RLN2: variants seen among roughly 807,000 people sequenced by gnomAD.
The protein encoded by RLN2 is relaxin 2.
RLN2 carries 10 observed loss-of-function variants against 7.3 expected under a neutral mutation model. The ratio of observed to expected loss-of-function variants is 1.36; its 90% CI spans 0.84 to 2.31. The LOEUF (loss-of-function observed/expected upper bound fraction) is 2.31. RLN2 is among the 30% of genes most tolerant of loss of function. The probability of loss-of-function intolerance (pLI) is 0.00; values close to 1 mark genes in which losing one functional copy is unlikely to be tolerated. For synonymous variants in RLN2, 103 were observed against 82.3 expected (o/e 1.25, Z -1.36); for missense variants, 298 against 217.6 (o/e 1.37, Z -2.32).
intron 1 of RLN2, 107 bp from the exon 2 acceptor site, chr9:5,300,551 A>C: frequency 2.8e-6 from 2 of 708,822 alleles, no homozygotes; most frequent in South Asian, 3.9e-5. Flanking sequence ...CCTCAGTATA[A>C]ATTAAACATT....
the RLN2 span, among the ~76,000 whole-genome samples, chr9:5,325,311 A>AG: frequency 6.6e-6 from 1 of 152,016 alleles, no homozygotes; most frequent in Non-Finnish European, 1.5e-5. Flanking sequence ...GAAATAAGAA[A>AG]GGCAACAAGA....
chr9:5,310,387 C>T, the RLN2 span, among the ~76,000 whole-genome samples: 1 of 151,882 alleles, frequency 6.6e-6, no homozygotes, highest in Non-Finnish European at 1.5e-5. Flanking sequence ...GTACCTCTCC[C>T]CTACACCCCT....
At chr9:5,333,122 G>C in the RLN2 span, among the ~76,000 whole-genome samples, 1 of 151,950 alleles carries the variant, frequency 6.6e-6, no homozygotes, top group East Asian at 1.9e-4. Flanking sequence ...GTATGAAGGG[G>C]AGGACTACAA....
upstream of RLN2, among the ~76,000 whole-genome samples, chr9:5,307,046 G>A (rs1816263737): frequency 6.6e-6 from 1 of 151,942 alleles, no homozygotes; most frequent in South Asian, 2.1e-4. Context: ...AGCCCTCTTG[G>A]GACCATGAGG....
the RLN2 span, among the ~76,000 whole-genome samples, chr9:5,317,007 A>G: frequency 1.3e-5 from 2 of 152,058 alleles, no homozygotes; most frequent in Non-Finnish European, 2.9e-5. Context: ...TATCAACACA[A>G]AAGAGTCTTA....
chr9:5,305,940 A>G (rs1184404717), upstream of RLN2, among the ~76,000 whole-genome samples: 3 of 151,904 alleles, frequency 2.0e-5, no homozygotes, highest in African/African-American at 4.8e-5. Flanking sequence ...CTTTTAAATG[A>G]GTTTTCATTA....
chr9:5,328,165 A>G, the RLN2 span, among the ~76,000 whole-genome samples: 1 of 152,066 alleles, frequency 6.6e-6, no homozygotes, highest in Non-Finnish European at 1.5e-5. Flanking sequence ...AAACCTTGAA[A>G]AAAAGTTAGA....
chr9:5,319,897 A>C, the RLN2 span, among the ~76,000 whole-genome samples: 1 of 152,012 alleles, frequency 6.6e-6, no homozygotes, highest in Non-Finnish European at 1.5e-5. Context: ...CAGGTGAAAG[A>C]AGCACCTTTA....
At chr9:5,335,608 TA>T in the RLN2 span, 1,779 of 1,491,432 alleles carry the variant, frequency 1.2e-3, 24 homozygotes, top group East Asian at 0.02. Context: ...CTGTTAAGTT[TA>T]AAAAAAAAGT....
In RLN2 at chr9:5,304,425, C is replaced by T; in HGVS notation, c.156G>A (p.Trp52Ter). The change falls in exon 1 of 2, where the codon TGG (tryptophan) becomes TGA (stop). Residue 52 changes from tryptophan (W) to a stop codon, truncating the protein, a stop_gained. Coordinates refer to ENST00000381627, the MANE Select transcript of RLN2 (RefSeq NM_134441.3). LOFTEE classifies it high-confidence loss of function. ...AQIAICGMST[W>*]SKRSLSQEDA... Reference sequence around the variant, plus strand: ...CTTCCTGGCTCAGAGACCTTTTGCTCCAGGTGCTCATGCCGCAAATGGCAA... The same window carrying T: ...CTTCCTGGCTCAGAGACCTTTTGCTTCAGGTGCTCATGCCGCAAATGGCAA... 1.2e-6 allele frequency: 2 copies of T among 1,612,040 alleles called. No individual in the cohort carries two copies. The highest frequency in any genetic ancestry group is 1.7e-6 in the Non-Finnish European group (2 of 1,179,424).
chr9:5,320,084 C>G, the RLN2 span, among the ~76,000 whole-genome samples: 1 of 151,338 alleles, frequency 6.6e-6, no homozygotes, highest in Admixed American at 6.6e-5. Context: ...CTCCCGGATT[C>G]AAGCCATTCT....
At chr9:5,323,346 G>A in the RLN2 span, among the ~76,000 whole-genome samples, 1 of 151,794 alleles carries the variant, frequency 6.6e-6, no homozygotes, top group Non-Finnish European at 1.5e-5. Flanking sequence ...ACCTCAAAGG[G>A]TACACAGAAG....
chr9:5,327,982 T>A, the RLN2 span, among the ~76,000 whole-genome samples: 2 of 151,510 alleles, frequency 1.3e-5, no homozygotes, highest in African/African-American at 4.9e-5. Flanking sequence ...AGCTGAAAAT[T>A]CCAAAAAACA....
the RLN2 span, among the ~76,000 whole-genome samples, chr9:5,320,241 C>T: frequency 2.0e-5 from 3 of 151,888 alleles, no homozygotes; most frequent in African/African-American, 7.2e-5. Flanking sequence ...CCTCCTCGGC[C>T]TCCCAATGTG....
chr9:5,326,431 A>T, the RLN2 span, among the ~76,000 whole-genome samples: 1 of 152,104 alleles, frequency 6.6e-6, no homozygotes, highest in African/African-American at 2.4e-5. Flanking sequence ...GGCAGACCAC[A>T]TACCTAAACT....
At chr9:5,319,497 T>C in the RLN2 span, among the ~76,000 whole-genome samples, 1 of 151,966 alleles carries the variant, frequency 6.6e-6, no homozygotes, top group East Asian at 1.9e-4. Context: ...TATCAGATGC[T>C]ATAAACAAAA....
At chr9:5,331,351 G>A in the RLN2 span, among the ~76,000 whole-genome samples, 23 of 151,872 alleles carry the variant, frequency 1.5e-4, no homozygotes, top group Admixed American at 2.6e-4. Flanking sequence ...AATAAATCAC[G>A]CTACTATAAA....
the RLN2 span, among the ~76,000 whole-genome samples, chr9:5,324,319 G>A: frequency 3.9e-5 from 6 of 151,936 alleles, no homozygotes; most frequent in East Asian, 3.8e-4. Flanking sequence ...CTAATACTCA[G>A]AGGTCTTCAT....
the RLN2 span, among the ~76,000 whole-genome samples, chr9:5,331,115 C>A: frequency 6.6e-6 from 1 of 151,844 alleles, no homozygotes; most frequent in African/African-American, 2.4e-5. Context: ...AATAGCCTAC[C>A]GACCAAAAAA....
Sources: gnomAD v4.1 joint callset for allele counts (sites outside exome capture counted in the v4.1 genomes callset) on GRCh38, gnomAD v4.1.1 for gene constraint, MANE v1.5 for transcripts, NCBI Gene and HGNC (gene_info 2026-07-23, HGNC 2026-07-21) for gene names.